TRIM44: variants seen among roughly 807,000 people sequenced by gnomAD.
TRIM44 encodes the protein tripartite motif containing 44, also known as tripartite motif-containing protein 44.
Under a neutral mutation model 37.4 loss-of-function variants are expected in TRIM44, and 13 were observed. The ratio of observed to expected loss-of-function variants is 0.35; its 90% CI spans 0.23 to 0.55. The LOEUF is 0.55. Ranked by LOEUF, TRIM44 falls within the 20% of genes least tolerant of loss-of-function variation. The pLI, the probability that TRIM44 is intolerant of heterozygous loss-of-function variation, is 0.89. For synonymous variants in TRIM44, 175 were observed against 157.2 expected (o/e 1.11, Z -0.85); for missense variants, 426 against 437.2 (o/e 0.97, Z 0.23).
chr11:35,776,936 T>C (rs1480030269), intron 4 of TRIM44, among the ~76,000 whole-genome samples: 2 of 150,696 alleles, frequency 1.3e-5, no homozygotes, highest in Non-Finnish European at 3.0e-5. Context: ...ATTCTGTTGA[T>C]TTGGGGTGGA....
At chr11:35,672,256 C>T (rs1032487499) in intron 1 of TRIM44, among the ~76,000 whole-genome samples, 5 of 152,280 alleles carry the variant, frequency 3.3e-5, no homozygotes, top group African/African-American at 1.2e-4. Context: ...ACCCTTTTAA[C>T]TCAAATGGAA....
chr11:35,752,852 T>G (rs547588613), intron 4 of TRIM44, among the ~76,000 whole-genome samples: 3 of 152,320 alleles, frequency 2.0e-5, no homozygotes, highest in East Asian at 3.9e-4. Context: ...AGAATAATAT[T>G]CTTGACTGTG....
chr11:35,754,455 G>A (rs1259574643), intron 4 of TRIM44, among the ~76,000 whole-genome samples: 1 of 151,996 alleles, frequency 6.6e-6, no homozygotes, highest in Non-Finnish European at 1.5e-5. Flanking sequence ...CCATTTAGTT[G>A]CCTCTTCTTC....
chr11:35,780,307 AG>A (rs1853046417), intron 4 of TRIM44, among the ~76,000 whole-genome samples: 1 of 152,212 alleles, frequency 6.6e-6, no homozygotes, highest in Non-Finnish European at 1.5e-5. Context: ...GGTTAAGAAG[AG>A]AAGAATAAAT....
At chr11:35,682,493 T>G (rs1332497073) in intron 1 of TRIM44, among the ~76,000 whole-genome samples, 1 of 152,196 alleles carries the variant, frequency 6.6e-6, no homozygotes, top group Non-Finnish European at 1.5e-5. Context: ...AGCCTCTGCC[T>G]TCTGACCAAC....
chr11:35,758,972 T>G (rs1419873060), intron 4 of TRIM44, among the ~76,000 whole-genome samples: 1 of 152,224 alleles, frequency 6.6e-6, no homozygotes, highest in African/African-American at 2.4e-5. Context: ...CTGACAGTTA[T>G]GTGTCTTGGA....
At chr11:35,746,477 A>G (rs963927323) in intron 4 of TRIM44, among the ~76,000 whole-genome samples, 1 of 85,632 alleles carries the variant, frequency 1.2e-5, no homozygotes, top group Non-Finnish European at 2.1e-5. Flanking sequence ...TTGTAGCTCT[A>G]TGTCACTGAA....
Position 35,663,456 on chromosome 11 carries a change from A to AGAGAGTGAGGATGAGAGCGATGAG in TRIM44, c.354_377dup (p.Asp119_Glu126dup). On this transcript the variant is annotated inframe_insertion, in exon 1 of 5. Transcript: ENST00000299413. ...CAGAGGAAGAGAGCGAGACAGAGGA[A>AGAGAGTGAGGATGAGAGCGATGAG]GAGAGTGAGGATGAGAGCGATGAGG... The AGAGAGTGAGGATGAGAGCGATGAG allele has an allele frequency of 6.4e-7, 1 of 1,565,794 alleles. No individual in the cohort carries two copies. Among genetic ancestry groups the AGAGAGTGAGGATGAGAGCGATGAG allele is most frequent in the Non-Finnish European group, 8.7e-7 (1 of 1,154,724 alleles).
intron 1 of TRIM44, among the ~76,000 whole-genome samples, chr11:35,679,657 T>C (rs1851502639): frequency 2.6e-5 from 4 of 152,232 alleles, no homozygotes; most frequent in Non-Finnish European, 4.4e-5. Context: ...CCCATTACAG[T>C]CATACCCTTT....
Position 35,814,422 on chromosome 11 carries a change from A to C in TRIM44, c.*8037A>C, listed in dbSNP as rs1035319543. 2 of 152,220 alleles carry C rather than the reference A, an allele frequency of 1.3e-5. No individual in the cohort carries two copies. The highest frequency in any genetic ancestry group is 2.9e-5 in the Non-Finnish European group (2 of 68,044). 9.4% of individuals were successfully genotyped at this position (152,220 alleles called of 1,614,324 possible). On this transcript the variant is annotated 3_prime_UTR_variant, in exon 5 of 5. Coordinates refer to ENST00000299413, the MANE Select transcript of TRIM44 (RefSeq NM_017583.6). ...AGCCATCAATCAAAGAATTGCTTGC[A>C]TCTAATAATGGTGTAATGCCAATAC...
At chr11:35,783,132 G>A (rs1853086765) in intron 4 of TRIM44, among the ~76,000 whole-genome samples, 1 of 152,146 alleles carries the variant, frequency 6.6e-6, no homozygotes, top group Admixed American at 6.5e-5. Flanking sequence ...AAGGTAGGCT[G>A]TCCTCATTTT....
At chr11:35,755,953 T>C (rs1329615994) in intron 4 of TRIM44, among the ~76,000 whole-genome samples, 1 of 151,804 alleles carries the variant, frequency 6.6e-6, no homozygotes, top group Non-Finnish European at 1.5e-5. Context: ...CCTCCAGCTT[T>C]GTTCTTTTGG....
chr11:35,717,742 A>G (rs1413659364), intron 2 of TRIM44, among the ~76,000 whole-genome samples: 2 of 152,162 alleles, frequency 1.3e-5, no homozygotes, highest in Non-Finnish European at 2.9e-5. Context: ...GGAAAGCACC[A>G]AGATAGAAGC....
At chr11:35,779,065 A>C (rs573138299) in intron 4 of TRIM44, among the ~76,000 whole-genome samples, 1 of 152,324 alleles carries the variant, frequency 6.6e-6, no homozygotes, top group African/African-American at 2.4e-5. Context: ...AGAGGCAGGC[A>C]GGCCTCCTTG....
In TRIM44 at chr11:35,697,374, C is replaced by T. The variant is rs373860158; in HGVS notation, c.747+12038C>T. ...TGATGGTTTCCAGCTGCATCCATGT[C>T]CCTACAAAGGACATAAACTCATCCT... On this transcript the variant is annotated intron_variant, in intron 2 of 4. Transcript: ENST00000299413. Among the ~76,000 whole-genome samples, 31 of 150,970 alleles carry T rather than the reference C, an allele frequency of 2.1e-4. No homozygotes were observed. In the East Asian group the frequency reaches 6.1e-3, roughly 30 times the overall value.
chr11:35,797,325 AAGG>A (rs1049231594), intron 4 of TRIM44, among the ~76,000 whole-genome samples: 27 of 152,336 alleles, frequency 1.8e-4, no homozygotes, highest in African/African-American at 6.0e-4. Context: ...TAAATAAATG[AAGG>A]AGAAGAGACA....
At chr11:35,738,407 T>C (rs1233786976) in intron 4 of TRIM44, among the ~76,000 whole-genome samples, 1 of 152,216 alleles carries the variant, frequency 6.6e-6, no homozygotes, top group African/African-American at 2.4e-5. Context: ...GCCAGGCTGC[T>C]ATGGAGGTCA....
At chr11:35,713,998 C>A (rs985744133) in intron 2 of TRIM44, among the ~76,000 whole-genome samples, 6 of 152,116 alleles carry the variant, frequency 3.9e-5, no homozygotes, top group Admixed American at 6.5e-5. Flanking sequence ...CACCTTGTGG[C>A]CATTTATTTG....
chr11:35,712,935 C>G (rs1408563651), intron 2 of TRIM44, among the ~76,000 whole-genome samples: 3 of 152,158 alleles, frequency 2.0e-5, no homozygotes, highest in Non-Finnish European at 4.4e-5. Context: ...CCTGTTAGTT[C>G]AAGCTCTCAT....
Sources: gnomAD v4.1 joint callset for allele counts (sites outside exome capture counted in the v4.1 genomes callset) on GRCh38, gnomAD v4.1.1 for gene constraint, MANE v1.5 for transcripts, NCBI Gene and HGNC (gene_info 2026-07-23, HGNC 2026-07-21) for gene names.